Variants in IGSF11 observed in about 807,000 individuals in gnomAD.
IGSF11 encodes CXADR like 1.
IGSF11 carries 22 observed loss-of-function variants against 41.0 expected under a neutral mutation model. That is an observed-to-expected ratio of 0.54 (90% CI 0.38 to 0.77). The LOEUF (loss-of-function observed/expected upper bound fraction) is 0.77, where lower values mean the gene tolerates loss of function less well. Among genes scored for constraint, IGSF11 ranks in the 30% least tolerant of loss-of-function variants. The pLI, the probability that IGSF11 is intolerant of heterozygous loss-of-function variation, is 0.00. For synonymous variants in IGSF11, 219 were observed against 201.3 expected (o/e 1.09, Z -0.74); for missense variants, 444 against 530.8 (o/e 0.84, Z 1.61).
intron 1 of IGSF11, among the ~76,000 whole-genome samples, chr3:119,086,180 G>A (rs939649281): frequency 2.6e-5 from 4 of 151,908 alleles, no homozygotes; most frequent in Non-Finnish European, 5.9e-5. Flanking sequence ...CAACTCAGTC[G>A]GACAAAAATA....
rs145563520 is a variant in IGSF11 at position 119,075,815 on chromosome 3, C to T, written c.49+29329G>A. On this transcript the variant is annotated intron_variant, in intron 1 of 6. Transcript: ENST00000354673. The stretch of plus-strand genomic sequence containing the variant: ...AAAAACCCTCAACAAGAATCAATAT[C>T]GTGAAAATGGCCATACTGCCCAAGG... Among the ~76,000 whole-genome samples, 621 of 152,196 alleles carry T rather than the reference C, an allele frequency of 4.1e-3. 3 individuals carry two copies. The highest frequency in any genetic ancestry group is 6.8e-3 in the Middle Eastern group (2 of 294).
chr3:119,072,690 G>A (rs532884369), intron 1 of IGSF11, among the ~76,000 whole-genome samples: 157 of 152,312 alleles, frequency 1.0e-3, no homozygotes, highest in African/African-American at 3.7e-3. Flanking sequence ...CTGGCCTCAG[G>A]AATGAGGCTG....
intron 1 of IGSF11, among the ~76,000 whole-genome samples, chr3:119,016,576 A>T (rs556658113): frequency 1.2e-4 from 18 of 152,352 alleles, no homozygotes; most frequent in Admixed American, 7.8e-4. Context: ...AGAGCTTCAA[A>T]TGAGTTACCA....
intron 1 of IGSF11, among the ~76,000 whole-genome samples, chr3:119,094,291 GGTTGTT>G (rs2076814377): frequency 8.1e-6 from 1 of 123,282 alleles, no homozygotes; most frequent in South Asian, 3.0e-4. Flanking sequence ...CTCATTTTTT[GGTTGTT>G]GTACCAAAAA....
chr3:118,904,259 A>G (rs993454815), intron 6 of IGSF11, among the ~76,000 whole-genome samples: 1 of 152,212 alleles, frequency 6.6e-6, no homozygotes, highest in Non-Finnish European at 1.5e-5. Flanking sequence ...CTGACTGTGT[A>G]CAGGCACTGG....
At chr3:118,913,450 G>C (rs1940610610) in intron 4 of IGSF11, among the ~76,000 whole-genome samples, 1 of 152,156 alleles carries the variant, frequency 6.6e-6, no homozygotes, top group African/African-American at 2.4e-5. Context: ...AATGCCTACA[G>C]ACTACCAGCA....
chr3:119,000,779 G>A (rs1446064148), intron 1 of IGSF11, among the ~76,000 whole-genome samples: 1 of 152,054 alleles, frequency 6.6e-6, no homozygotes, highest in Non-Finnish European at 1.5e-5. Flanking sequence ...GGGCAAACAG[G>A]TCACTCTTAA....
chr3:118,933,469 TTTA>T (rs1943013575), intron 1 of IGSF11, among the ~76,000 whole-genome samples: 2 of 121,824 alleles, frequency 1.6e-5, no homozygotes, highest in African/African-American at 8.9e-5. Context: ...ACATGTATTT[TTTA>T]TATATATATA....
chr3:118,910,362 T>C (rs1380358930), intron 4 of IGSF11, among the ~76,000 whole-genome samples: 1 of 152,218 alleles, frequency 6.6e-6, no homozygotes, highest in Non-Finnish European at 1.5e-5. Context: ...GAGTTAACTC[T>C]GACTCTTCTG....
intron 1 of IGSF11, among the ~76,000 whole-genome samples, chr3:119,128,427 G>T (rs547203061): frequency 6.6e-6 from 1 of 152,058 alleles, no homozygotes; most frequent in African/African-American, 2.4e-5. Flanking sequence ...AATGTAACTG[G>T]GCTAAATGCC....
intron 1 of IGSF11, among the ~76,000 whole-genome samples, chr3:118,985,852 G>A (rs1261807512): frequency 6.6e-6 from 1 of 152,014 alleles, no homozygotes; most frequent in Non-Finnish European, 1.5e-5. Context: ...GTCTTCCTGA[G>A]CACCAGCACC....
chr3:119,001,636 A>C (rs1186902517), intron 1 of IGSF11, among the ~76,000 whole-genome samples: 9 of 94,518 alleles, frequency 9.5e-5, no homozygotes, highest in South Asian at 3.9e-4. Flanking sequence ...CCCACCCCAC[A>C]ACAGTCCCCA....
At chr3:119,036,858 C>T (rs1456807804), upstream of IGSF11, among the ~76,000 whole-genome samples, 2 of 151,972 alleles carry the variant, frequency 1.3e-5, no homozygotes, top group African/African-American at 4.8e-5. Flanking sequence ...GGACAATGCT[C>T]ACAGTTCAGT....
At chr3:119,034,499 C>T (rs1375985100) in intron 1 of IGSF11, 32 bp downstream of exon 1, 1 of 1,534,376 alleles carries the variant, frequency 6.5e-7, no homozygotes, top group South Asian at 1.2e-5. Flanking sequence ...CCGGCCTGGC[C>T]CCACCGGGAA....
At chr3:118,947,935 T>A (rs1307998112) in intron 1 of IGSF11, 2 of 152,242 alleles carry the variant, frequency 1.3e-5, no homozygotes, top group Non-Finnish European at 2.9e-5. Flanking sequence ...GTTCATTTAT[T>A]TCTATTACTA....
At chr3:119,083,587 T>C (rs780871424) in intron 1 of IGSF11, among the ~76,000 whole-genome samples, 2 of 151,616 alleles carry the variant, frequency 1.3e-5, no homozygotes, top group Non-Finnish European at 2.9e-5. Context: ...ATGTTTCAGA[T>C]AACAGACCTC....
At chr3:119,017,911 T>C (rs1488461671) in intron 1 of IGSF11, among the ~76,000 whole-genome samples, 2 of 151,682 alleles carry the variant, frequency 1.3e-5, no homozygotes, top group Non-Finnish European at 2.9e-5. Flanking sequence ...GCCTCCCTAG[T>C]ACCTGGGATT....
intron 1 of IGSF11, among the ~76,000 whole-genome samples, chr3:119,007,932 G>A (rs859021): frequency 0.11 from 16,891 of 151,774 alleles, 1,161 homozygotes; most frequent in East Asian, 0.2. Context: ...TATATGCTTC[G>A]GCTTCAAATC....
chr3:119,022,048 G>A (rs1939346002), intron 1 of IGSF11, among the ~76,000 whole-genome samples: 1 of 152,046 alleles, frequency 6.6e-6, no homozygotes, highest in Non-Finnish European at 1.5e-5. Context: ...CGTCAACAGA[G>A]GAGCATATAA....
Sources: gnomAD v4.1 joint callset for allele counts (sites outside exome capture counted in the v4.1 genomes callset) on GRCh38, gnomAD v4.1.1 for gene constraint, MANE v1.5 for transcripts, NCBI Gene and HGNC (gene_info 2026-07-23, HGNC 2026-07-21) for gene names.